The following INPP5J variants were observed in gnomAD, a reference collection of about 807,000 sequenced individuals.
The protein encoded by INPP5J is phosphatidylinositol 4,5-bisphosphate 5-phosphatase A.
In INPP5J, 75 loss-of-function variants were observed where a neutral mutation model predicts 86.6. The observed-to-expected ratio is 0.87, with a 90% CI of 0.72 to 1.05. INPP5J has a LOEUF of 1.05. Among genes scored for constraint, INPP5J ranks in the 50% least tolerant of loss-of-function variants. The pLI, the probability that INPP5J is intolerant of heterozygous loss-of-function variation, is 0.00. For missense variants in INPP5J, 1,229 were observed against 1,341.2 expected (o/e 0.92, Z 1.31); for synonymous variants, 540 against 550.0 (o/e 0.98, Z 0.25).
rs756669248 is a variant in INPP5J, at chr22:31,125,408, G to A, written c.669G>A (p.Thr223=). The change falls in exon 2 of 13, where the codon ACG becomes ACA. Residue 223 remains threonine, a synonymous_variant. Transcript: ENST00000331075. The part of the protein sequence containing the change: ...TQEQALAPAS[T]ASGAASVGQT... ...AACAGGCCCTGGCTCCAGCATCCAC[G>A]GCATCAGGCGCAGCCTCTGTGGGAC... 7.7e-6 allele frequency: 12 copies of A among 1,550,520 alleles called. No homozygotes were observed. In the African/African-American group the frequency reaches 8.2e-5, roughly 11 times the overall value.
chr22:31,126,431 TC>T lies in INPP5J; in HGVS notation c.1330del (p.Leu444SerfsTer15). The T allele has an allele frequency of 1.2e-6, 2 of 1,613,746 alleles. No homozygotes were observed. Among genetic ancestry groups the T allele is most frequent in the Non-Finnish European group, 1.7e-6 (2 of 1,179,822 alleles). On this transcript the variant is annotated frameshift_variant, in exon 3 of 13. Coordinates refer to ENST00000331075, the MANE Select transcript of INPP5J (RefSeq NM_001284285.2). LOFTEE classifies it high-confidence loss of function. ...TGCCATGCCCCCAGACGATGTCACA[TC>T]CCTCCTCCACCTGGGCGGTGGTGAC... is the stretch of plus-strand genomic sequence containing the variant. ...GTAMPPDDVT[S>X]LLHLGGGDDS...
Position 31,133,155 on chromosome 22 carries a change from C to T in INPP5J, c.2251C>T (p.Arg751Trp), listed in dbSNP as rs1233467550. ...GCTGGAGGTGGCAGATGAGTGGGTG[C>T]GGCCCGAGCAGGCGGTGGTGAGGTA... ...VRLEVADEWV[R>W]PEQAVVRYRM... Residue 751 changes from arginine (R) to tryptophan (W), a missense_variant, in exon 10 of 13, where the codon CGG becomes TGG. Physicochemically the swap from Arg to Trp is moderately radical, Grantham distance 101 (BLOSUM62 -3). Coordinates refer to ENST00000331075, the MANE Select transcript of INPP5J (RefSeq NM_001284285.2). 4.4e-6 allele frequency: 7 copies of T among 1,577,346 alleles called. No individual in the cohort carries two copies. Among genetic ancestry groups the T allele is most frequent in the South Asian group, 1.2e-5 (1 of 86,158 alleles).
intron 5 of INPP5J, 130 bp downstream of exon 5, chr22:31,127,167 C>A: frequency 2.5e-6 from 2 of 798,230 alleles, no homozygotes; most frequent in East Asian, 2.7e-5. Flanking sequence ...CCCCCCCATG[C>A]ACCACCCAAT....
chr22:31,122,946 C>T (rs1164674746), upstream of INPP5J: 1 of 1,065,094 alleles, frequency 9.4e-7, no homozygotes, highest in African/African-American at 1.7e-5. Context: ...CTGATGACAT[C>T]ACTGGTTCCC....
intron 6 of INPP5J, 79 bp downstream of exon 6, chr22:31,127,611 A>G (rs2147876070): frequency 2.8e-6 from 4 of 1,413,860 alleles, no homozygotes; most frequent in South Asian, 1.4e-5. Context: ...GGTGGGGCTT[A>G]TGGAGAGAGG....
chr22:31,128,100 C>A (rs189495543), intron 7 of INPP5J, 38 bp downstream of exon 7: 7 of 1,506,534 alleles, frequency 4.6e-6, no homozygotes, highest in Non-Finnish European at 3.7e-6. Flanking sequence ...AGAGCATGTC[C>A]CAGGACACGC....
Position 31,125,112 on chromosome 22 carries a change from C to T in INPP5J, c.373C>T (p.Pro125Ser). Residue 125 changes from proline to serine, a missense_variant, in exon 2 of 13, where the codon CCC becomes TCC. Transcript: ENST00000331075. ...VMSASAGPKP[P>S]PATTGSVLAP... is the part of the protein sequence containing the mutation. ...GTCTGCCTCAGCTGGACCAAAGCCT[C>T]CCCCAGCGACCACAGGCTCAGTTCT... 4 of 1,549,810 alleles carry T rather than the reference C, an allele frequency of 2.6e-6. No homozygotes were observed. The highest frequency in any genetic ancestry group is 1.2e-5 in the South Asian group (1 of 84,054).
At position 31,125,605 on chromosome 22, in the gene INPP5J, A is replaced by G. The variant is rs1367949542; in HGVS notation, c.866A>G (p.His289Arg). Residue 289 changes from histidine to arginine, a missense_variant, in exon 2 of 13, where the codon CAC (histidine) becomes CGC (arginine). Coordinates refer to ENST00000331075, the MANE Select transcript of INPP5J (RefSeq NM_001284285.2). The part of the protein sequence containing the change: ...PSFRARPEAL[H>R]SSPEDPVLPR... ...TTCCGAGCCCGGCCTGAGGCCCTCC[A>G]CAGCAGCCCTGAGGATCCTGTTTTG... 1.9e-6 allele frequency: 3 copies of G among 1,549,504 alleles called. No homozygotes were observed. The highest frequency in any genetic ancestry group is 2.4e-5 in the East Asian group (1 of 40,830).
At chr22:31,131,801 A>T (rs1922088750) in intron 9 of INPP5J, among the ~76,000 whole-genome samples, 1 of 152,170 alleles carries the variant, frequency 6.6e-6, no homozygotes, top group Non-Finnish European at 1.5e-5. Flanking sequence ...GGGCATTTTC[A>T]AAGGTCTACC....
chr22:31,133,690 C>T lies in INPP5J; in HGVS notation c.2490C>T (p.Leu830=), dbSNP rs758482696. 6.2e-7 allele frequency: 1 copy of T among 1,613,074 alleles called. No individual in the cohort carries two copies. The highest frequency in any genetic ancestry group is 1.7e-5 in the Admixed American group (1 of 59,900). Residue 830 remains leucine (L), a synonymous_variant, in exon 12 of 13, where the codon CTC becomes CTT. Coordinates refer to ENST00000331075, the MANE Select transcript of INPP5J (RefSeq NM_001284285.2). ...ACTATAGTCACAACCACAGCATCCTCATCGGCATCACTGAACCCTTCCAGG... is the reference window on the plus strand; with the variant it reads ...ACTATAGTCACAACCACAGCATCCTTATCGGCATCACTGAACCCTTCCAGG... ...LGYYSHNHSI[L]IGITEPFQIS...
Position 31,125,951 on chromosome 22 carries a change from C to T in INPP5J, c.1212C>T (p.Ser404=), listed in dbSNP as rs763041201. 9 of 1,610,084 alleles carry T rather than the reference C, an allele frequency of 5.6e-6. No homozygotes were observed. The highest frequency in any genetic ancestry group is 7.6e-6 in the Non-Finnish European group (9 of 1,177,100). The stretch of plus-strand genomic sequence containing the variant: ...CAGTCACCACCTCCTCTTCTACATC[C>T]ACCCTGTCATCCTCCCCTTGGTCAG... ...PAPVTTSSST[S]TLSSSPWSAQ... Residue 404 remains serine, a synonymous_variant, in exon 2 of 13, where the codon TCC becomes TCT. Coordinates refer to ENST00000331075, the MANE Select transcript of INPP5J (RefSeq NM_001284285.2).
Position 31,133,162 on chromosome 22 carries a change from A to G in INPP5J, c.2258A>G (p.Glu753Gly). 6.3e-7 allele frequency: 1 copy of G among 1,583,980 alleles called. No homozygotes were observed. The highest frequency in any genetic ancestry group is 8.6e-7 in the Non-Finnish European group (1 of 1,166,062). Residue 753 changes from glutamate (E) to glycine (G), a missense_variant, in exon 10 of 13, where the codon GAG becomes GGG. Coordinates refer to ENST00000331075, the MANE Select transcript of INPP5J (RefSeq NM_001284285.2). ...LEVADEWVRP[E>G]QAVVRYRMET... ...GTGGCAGATGAGTGGGTGCGGCCCG[A>G]GCAGGCGGTGGTGAGGTACCGCATG...
rs945222700 is a variant in INPP5J, at chr22:31,126,717, T to C, written c.1490T>C (p.Val497Ala). 1 of 1,612,118 alleles carries C rather than the reference T, an allele frequency of 6.2e-7. No homozygotes were observed. Among genetic ancestry groups the C allele is most frequent in the African/African-American group, 1.3e-5 (1 of 74,892 alleles). Residue 497 changes from valine to alanine, a missense_variant, in exon 4 of 13, where the codon GTG becomes GCG. Transcript: ENST00000331075. ...FMDALGPFNF[V>A]LVSSVRMQGV... ...GATGCGCTAGGGCCCTTCAACTTCG[T>C]GCTGGTAACGCACCCCTCACCCCCT...
At chr22:31,133,358 C>A in intron 10 of INPP5J, 48 bp from the exon 11 acceptor site, 1 of 1,604,860 alleles carries the variant, frequency 6.2e-7, no homozygotes, top group South Asian at 1.1e-5. Context: ...CTGCTGGGAT[C>A]AGACATTATA....
At position 31,124,461 on chromosome 22, in the gene INPP5J, C is replaced by G. The variant is rs575127615; in HGVS notation, c.106-384C>G. On this transcript the variant is annotated intron_variant, in intron 1 of 12. Coordinates refer to ENST00000331075, the MANE Select transcript of INPP5J (RefSeq NM_001284285.2). ...AGACCTGGGATGTCAGGTCAGTAGC[C>G]GTGGCTGGGGGAGCTTCAGGGACTG... 2.6e-5 allele frequency among the ~76,000 whole-genome samples: 4 copies of G among 152,290 alleles called. No individual in the cohort carries two copies. In the South Asian group the frequency reaches 8.3e-4, roughly 32 times the overall value.
Position 31,126,422 on chromosome 22 carries a change from G to A in INPP5J, c.1318G>A (p.Asp440Asn), listed in dbSNP as rs756831433. 1.6e-5 allele frequency: 26 copies of A among 1,613,662 alleles called. No individual in the cohort carries two copies. Among genetic ancestry groups the A allele is most frequent in the Non-Finnish European group, 1.9e-5 (23 of 1,179,852 alleles). ...CGTGGGCACTGCCATGCCCCCAGAC[G>A]ATGTCACATCCCTCCTCCACCTGGG... Reference protein sequence around the residue: ...WNVGTAMPPDDVTSLLHLGGG... With the variant: ...WNVGTAMPPDNVTSLLHLGGG... Residue 440 changes from aspartate to asparagine, a missense_variant, in exon 3 of 13, where the codon GAT becomes AAT. Coordinates refer to ENST00000331075, the MANE Select transcript of INPP5J (RefSeq NM_001284285.2).
Position 31,128,506 on chromosome 22 carries a change from TC to T in INPP5J, c.2047del (p.Leu683TyrfsTer23). 2 of 1,613,338 alleles carry T rather than the reference TC, an allele frequency of 1.2e-6. No homozygotes were observed. The highest frequency in any genetic ancestry group is 1.7e-6 in the Non-Finnish European group (2 of 1,179,846). ...CGGAAGCCAGCTTGGACAGACCGTATCCTATGGAAGGTCAAGGCTCCAGGTG... is the reference window on the plus strand; with the variant it reads ...CGGAAGCCAGCTTGGACAGACCGTATCTATGGAAGGTCAAGGCTCCAGGTG... ...KKRKPAWTDR[I>X]LWKVKAPGGG... On this transcript the variant is annotated frameshift_variant, in exon 9 of 13. Coordinates refer to ENST00000331075, the MANE Select transcript of INPP5J (RefSeq NM_001284285.2). LOFTEE classifies it high-confidence loss of function.
In INPP5J at chr22:31,125,597, G is replaced by T. The variant is rs959176875; in HGVS notation, c.858G>T (p.Glu286Asp). 4 of 1,550,314 alleles carry T rather than the reference G, an allele frequency of 2.6e-6. No homozygotes were observed. Among genetic ancestry groups the T allele is most frequent in the Non-Finnish European group, 3.5e-6 (4 of 1,146,956 alleles). ...CCCCCTCCTTCCGAGCCCGGCCTGA[G>T]GCCCTCCACAGCAGCCCTGAGGATC... ...RLSPSFRARP[E>D]ALHSSPEDPV... The change falls in exon 2 of 13, where the codon GAG becomes GAT. Residue 286 changes from glutamate to aspartate, a missense_variant. Physicochemically the swap from Glu to Asp is conservative, Grantham distance 45 (BLOSUM62 2). Coordinates refer to ENST00000331075, the MANE Select transcript of INPP5J (RefSeq NM_001284285.2).
chr22:31,127,538 G>A lies in INPP5J; in HGVS notation c.1787+6G>A. ...CAGGGCATCCTGGATCATGAGTATG[G>A]GCTGGGGTGGGGCCAAATAGAGCTT... On this transcript the variant is annotated splice_donor_region_variant and intron_variant, in intron 6 of 12. Coordinates refer to ENST00000331075, the MANE Select transcript of INPP5J (RefSeq NM_001284285.2). The A allele has an allele frequency of 6.2e-7, 1 of 1,609,472 alleles. No individual in the cohort carries two copies. The highest frequency in any genetic ancestry group is 8.5e-7 in the Non-Finnish European group (1 of 1,177,508).
Sources: allele counts gnomAD v4.1 joint callset (sites outside exome capture counted in the v4.1 genomes callset), GRCh38; gene constraint gnomAD v4.1.1; transcripts MANE v1.5; gene names NCBI Gene and HGNC (gene_info 2026-07-23, HGNC 2026-07-21).